Variants in COL21A1 observed in about 807,000 individuals in gnomAD.
COL21A1 encodes collagen type XXI alpha 1 chain, also known as collagen alpha-1(XXI) chain.
A neutral mutation model predicts 137.9 loss-of-function variants in COL21A1; 149 were observed. The ratio of observed to expected loss-of-function variants is 1.08; its 90% CI spans 0.95 to 1.24. The LOEUF (loss-of-function observed/expected upper bound fraction) is 1.24. Among genes scored for constraint, COL21A1 ranks in the 50% most tolerant of loss-of-function variants. The pLI is 0.00. For synonymous variants in COL21A1, 456 were observed against 391.5 expected, an observed-to-expected ratio of 1.16 and a Z score of -1.95; for missense variants, 1,167 against 1,158.4, an observed-to-expected ratio of 1.01 and a Z score of -0.11.
intron 16 of COL21A1, 45 bp from the exon 17 acceptor site, chr6:56,101,570 G>A: frequency 2.9e-6 from 4 of 1,363,568 alleles, no homozygotes; most frequent in Non-Finnish European, 3.1e-6. Flanking sequence ...CAGTTTTGAG[G>A]TCTGCTTACC....
rs2152280455 is a variant in COL21A1 at position 56,179,627 on chromosome 6, A to G, written c.591T>C (p.Tyr197=). 2.5e-6 allele frequency: 4 copies of G among 1,613,880 alleles called. No individual in the cohort carries two copies. Among genetic ancestry groups the G allele is most frequent in the Non-Finnish European group, 2.5e-6 (3 of 1,179,834 alleles). The change falls in exon 3 of 30, where the codon TAT becomes TAC. Residue 197 remains tyrosine, a synonymous_variant. Coordinates refer to ENST00000244728, the MANE Select transcript of COL21A1 (RefSeq NM_030820.4). ...CTTCCCTTATTTTGGATATTGCAAT[A>G]TAGTCTTCCACATAAAACACATAAG... ...SSTYVFYVED[Y]IAISKIREVM...
chr6:56,306,020 C>T (rs1764441811), intron 1 of COL21A1, among the ~76,000 whole-genome samples: 1 of 81,514 alleles, frequency 1.2e-5, no homozygotes, highest in African/African-American at 3.2e-5. Context: ...ATATGAAATT[C>T]TGGGTTGAAA....
chr6:56,080,526 T>A (rs963645811), intron 17 of COL21A1, among the ~76,000 whole-genome samples: 3 of 151,858 alleles, frequency 2.0e-5, no homozygotes, highest in Non-Finnish European at 4.4e-5. Flanking sequence ...ATGAAGGGAA[T>A]GTGTCTATGA....
intron 17 of COL21A1, among the ~76,000 whole-genome samples, chr6:56,092,584 G>A (rs141062991): frequency 2.6e-5 from 4 of 152,248 alleles, no homozygotes; most frequent in African/African-American, 9.6e-5. Flanking sequence ...ATTGACTGAA[G>A]AGTCTTGCTT....
chr6:56,174,271 C>A (rs1331190457), intron 3 of COL21A1, among the ~76,000 whole-genome samples: 3 of 151,332 alleles, frequency 2.0e-5, no homozygotes, highest in Non-Finnish European at 4.4e-5. Flanking sequence ...CCTCAAGGAC[C>A]TACAGAAAAA....
intron 1 of COL21A1, among the ~76,000 whole-genome samples, chr6:56,219,738 C>A (rs1447950045): frequency 6.6e-6 from 1 of 151,996 alleles, no homozygotes; most frequent in Non-Finnish European, 1.5e-5. Flanking sequence ...CATTTTATTA[C>A]CCAATTAAGA....
At chr6:56,111,696 T>G (rs1378457908) in intron 16 of COL21A1, among the ~76,000 whole-genome samples, 1 of 119,210 alleles carries the variant, frequency 8.4e-6, no homozygotes. Context: ...AAATCCCATC[T>G]CTACTAAAAA....
chr6:56,211,599 A>G (rs1317058962), intron 1 of COL21A1, among the ~76,000 whole-genome samples: 1 of 152,082 alleles, frequency 6.6e-6, no homozygotes. Context: ...AGGCAAAAAC[A>G]ACTCATCTGA....
chr6:56,134,693 G>A (rs1773843588), intron 12 of COL21A1, among the ~76,000 whole-genome samples: 3 of 152,166 alleles, frequency 2.0e-5, no homozygotes, highest in Admixed American at 2.0e-4. Context: ...ATTGAATCAT[G>A]GGGTGGGTCT....
At chr6:56,256,347 C>A (rs1249502765) in intron 1 of COL21A1, among the ~76,000 whole-genome samples, 3 of 152,118 alleles carry the variant, frequency 2.0e-5, no homozygotes, top group African/African-American at 7.2e-5. Flanking sequence ...ATACTCATCT[C>A]ATAAACAACA....
chr6:56,222,616 A>G (rs1479541838), intron 1 of COL21A1, among the ~76,000 whole-genome samples: 1 of 152,160 alleles, frequency 6.6e-6, no homozygotes, highest in Admixed American at 6.5e-5. Context: ...ATTCATTTAA[A>G]TCAGTTGAGT....
At chr6:56,391,274 C>G (rs1344405075) in intron 1 of COL21A1, among the ~76,000 whole-genome samples, 1 of 151,632 alleles carries the variant, frequency 6.6e-6, no homozygotes, top group Non-Finnish European at 1.5e-5. Context: ...TGAAACATAC[C>G]AAAACTTACA....
At chr6:56,140,622 T>C (rs1211775600) in intron 12 of COL21A1, among the ~76,000 whole-genome samples, 4 of 152,154 alleles carry the variant, frequency 2.6e-5, no homozygotes, top group Non-Finnish European at 5.9e-5. Flanking sequence ...AACCATGTTA[T>C]AAAGGAATAA....
At chr6:56,262,976 G>A (rs1379774709) in intron 1 of COL21A1, among the ~76,000 whole-genome samples, 2 of 152,154 alleles carry the variant, frequency 1.3e-5, no homozygotes, top group Non-Finnish European at 2.9e-5. Context: ...TTCAGATGAA[G>A]AAACTAATGC....
intron 19 of COL21A1, among the ~76,000 whole-genome samples, chr6:56,074,885 A>G (rs1013524256): frequency 6.6e-6 from 1 of 151,492 alleles, no homozygotes; most frequent in African/African-American, 2.4e-5. Flanking sequence ...TTAAAAAATT[A>G]TATCATTAGA....
chr6:56,151,710 A>G (rs1298656322), intron 10 of COL21A1, among the ~76,000 whole-genome samples: 3 of 152,214 alleles, frequency 2.0e-5, no homozygotes, highest in South Asian at 2.1e-4. Flanking sequence ...ACAAGTCCAA[A>G]CAAAGCAGAA....
At chr6:56,321,617 A>T (rs1196431359) in intron 1 of COL21A1, among the ~76,000 whole-genome samples, 4 of 152,192 alleles carry the variant, frequency 2.6e-5, no homozygotes, top group African/African-American at 7.2e-5. Flanking sequence ...AAGCAATGGA[A>T]ACAACTCACC....
intron 1 of COL21A1, among the ~76,000 whole-genome samples, chr6:56,383,448 A>G (rs1416761131): frequency 6.6e-6 from 1 of 152,216 alleles, no homozygotes; most frequent in Non-Finnish European, 1.5e-5. Flanking sequence ...GGATGATCTG[A>G]TAAACTATTC....
rs1198983746 is a variant in COL21A1, at chr6:56,325,333, A to T, written c.-39+68638T>A. The stretch of plus-strand genomic sequence containing the variant: ...ATATATATTATATATTATATATATT[A>T]TATATTATATATTATATATTATATA... On this transcript the variant is annotated intron_variant, in intron 1 of 28. Coordinates refer to the COL21A1 transcript ENST00000370819. 3.2e-3 allele frequency among the ~76,000 whole-genome samples: 2 copies of T among 622 alleles called. 1 individual carries two copies. The highest frequency in any genetic ancestry group is 1 in the East Asian group (2 of 2). The allele number at this position is 622 out of a possible 152,430, so 0.4% of individuals were successfully genotyped here. A position where few individuals can be genotyped will look rare whatever the true frequency, so the allele number is the denominator to read the frequency against.
Sources: allele counts gnomAD v4.1 joint callset (sites outside exome capture counted in the v4.1 genomes callset), GRCh38; gene constraint gnomAD v4.1.1; transcripts MANE v1.5; gene names NCBI Gene and HGNC (gene_info 2026-07-23, HGNC 2026-07-21).